Variants in TRPM6 observed in about 807,000 individuals in gnomAD.
The protein encoded by TRPM6 is transient receptor potential cation channel subfamily M member 6.
TRPM6 carries 111 observed loss-of-function variants against 247.6 expected under a neutral mutation model. That is an observed-to-expected ratio of 0.45 (90% CI 0.38 to 0.52). TRPM6 has a LOEUF of 0.52. TRPM6 is among the 20% of genes least tolerant of loss of function. The pLI is 0.00. For missense variants in TRPM6, 2,126 were observed against 2,421.5 expected (o/e 0.88, Z 2.56); for synonymous variants, 892 against 853.8 (o/e 1.04, Z -0.78).
rs78016735 is a variant in TRPM6, at chr9:74,776,209, G to A, written c.3210-133C>T. 7,571 of 773,838 alleles carry A rather than the reference G, an allele frequency of 9.8e-3. 289 individuals are homozygous for A. The highest frequency in any genetic ancestry group is 0.093 in the African/African-American group (5,480 of 58,954). The allele number at this position is 773,838 out of a possible 1,614,324, so 47.9% of individuals were successfully genotyped here. On this transcript the variant is annotated intron_variant, in intron 23 of 38. Coordinates refer to ENST00000360774, the MANE Select transcript of TRPM6 (RefSeq NM_017662.5). ...GTTACCCAATACAAATACTATCCAC[G>A]TGTTTACAATTCTTCTTCCACCAAA...
At chr9:74,810,936 CT>C in intron 12 of TRPM6, 68 bp from the exon 13 acceptor site, 3 of 1,257,100 alleles carry the variant, frequency 2.4e-6, no homozygotes, top group Non-Finnish European at 3.5e-6. Flanking sequence ...AAAACCTTTA[CT>C]TCAGAATGCA....
chr9:74,863,342 T>G (rs1480003080), intron 1 of TRPM6, among the ~76,000 whole-genome samples: 2 of 151,920 alleles, frequency 1.3e-5, no homozygotes, highest in African/African-American at 2.4e-5. Context: ...CCACTGTGCA[T>G]GACTGAAACA....
intron 1 of TRPM6, among the ~76,000 whole-genome samples, chr9:74,876,142 G>A (rs765563920): frequency 2.6e-5 from 4 of 152,322 alleles, no homozygotes; most frequent in Non-Finnish European, 4.4e-5. Context: ...GGAATGCAAT[G>A]GCATGATCAC....
intron 19 of TRPM6, among the ~76,000 whole-genome samples, chr9:74,791,508 A>C (rs375560414): frequency 6.6e-6 from 1 of 152,350 alleles, no homozygotes; most frequent in South Asian, 2.1e-4. Flanking sequence ...ATATTTAAAA[A>C]AAAAGAAAAG....
At chr9:74,882,990 G>A (rs1185227140) in intron 1 of TRPM6, among the ~76,000 whole-genome samples, 1 of 152,248 alleles carries the variant, frequency 6.6e-6, no homozygotes, top group East Asian at 1.9e-4. Context: ...TCGAAAAACT[G>A]AAACTCTATA....
At chr9:74,802,261 AT>A (rs1564021874) in intron 15 of TRPM6, 86 bp from the exon 16 acceptor site, 49 of 1,253,760 alleles carry the variant, frequency 3.9e-5, no homozygotes, top group Middle Eastern at 2.2e-4. Flanking sequence ...TGTCCTAGAG[AT>A]TTTTTTTAAT....
chr9:74,880,370 T>C (rs1831323997), intron 1 of TRPM6, among the ~76,000 whole-genome samples: 1 of 151,968 alleles, frequency 6.6e-6, no homozygotes, highest in Non-Finnish European at 1.5e-5. Context: ...AAAGATACAA[T>C]TCAAAAAGAT....
rs570954975 is a variant in TRPM6, at chr9:74,863,798, G to C, written c.34-5050C>G. On this transcript the variant is annotated intron_variant, in intron 1 of 38. Transcript: ENST00000360774. ...AGATGGGGTTTCACCGTGTTAGCCA[G>C]GGTGGTCTCGAACTCCTGACCTTGT... 2.2e-4 allele frequency among the ~76,000 whole-genome samples: 33 copies of C among 151,980 alleles called. No homozygotes were observed. The South Asian group carries it at 6.2e-3, about 29-fold the overall frequency.
chr9:74,732,342 A>C (rs2118699523), intron 37 of TRPM6, among the ~76,000 whole-genome samples: 1 of 152,368 alleles, frequency 6.6e-6, no homozygotes, highest in Non-Finnish European at 1.5e-5. Flanking sequence ...AAGACAAAAA[A>C]GGAAACTGTG....
intron 38 of TRPM6, among the ~76,000 whole-genome samples, chr9:74,727,174 A>C (rs1331844157): frequency 6.6e-6 from 1 of 152,026 alleles, no homozygotes; most frequent in Non-Finnish European, 1.5e-5. Context: ...TGAGGTCAGG[A>C]GATCAAGACC....
intron 38 of TRPM6, 39 bp downstream of exon 38, chr9:74,728,200 G>A (rs376385671): frequency 2.9e-5 from 41 of 1,391,740 alleles, no homozygotes; most frequent in Non-Finnish European, 3.4e-5. Flanking sequence ...TGTTCTATGA[G>A]AGATTTACTT....
Position 74,792,653 on chromosome 9 carries a change from C to T in TRPM6, c.2509G>A (p.Ala837Thr), listed in dbSNP as rs1420546012. Residue 837 changes from alanine to threonine, a missense_variant, in exon 19 of 39, where the codon GCT becomes ACT. By Grantham distance (58) the Ala-to-Thr change is moderately conservative. Around this residue, in one of 3 missense-constraint regions of TRPM6, gnomAD observed 1,082 missense variants for 1,307.9 expected, o/e 0.83. Transcript: ENST00000360774. ...TAAAACCAAAACTTGACAATTGGAG[C>T]ACTGTAGAACTCATAGACTTTCCTG... ...WTRKVYEFYS[A>T]PIVKFWFYTM... is the part of the protein sequence containing the mutation. 6.2e-7 allele frequency: 1 copy of T among 1,614,104 alleles called. No individual in the cohort carries two copies. Among genetic ancestry groups the T allele is most frequent in the South Asian group, 1.1e-5 (1 of 91,088 alleles).
At chr9:74,876,454 C>T (rs1381886158) in intron 1 of TRPM6, among the ~76,000 whole-genome samples, 1 of 152,222 alleles carries the variant, frequency 6.6e-6, no homozygotes. Flanking sequence ...TATTAACTCA[C>T]TTAAATTGCT....
chr9:74,817,203 T>G (rs1824263894), intron 9 of TRPM6, among the ~76,000 whole-genome samples: 1 of 152,236 alleles, frequency 6.6e-6, no homozygotes, highest in Admixed American at 6.5e-5. Flanking sequence ...GAAAGAATGT[T>G]ATTACATGAA....
intron 20 of TRPM6, 62 bp from the exon 21 acceptor site, chr9:74,786,187 A>G: frequency 6.4e-7 from 1 of 1,566,386 alleles, no homozygotes; most frequent in South Asian, 1.1e-5. Context: ...CATCAATATG[A>G]TCTTCTTAAA....
At chr9:74,839,463 C>G (rs1336351700) in intron 5 of TRPM6, among the ~76,000 whole-genome samples, 1 of 152,114 alleles carries the variant, frequency 6.6e-6, no homozygotes, top group Non-Finnish European at 1.5e-5. Context: ...ATGCCCAAAA[C>G]ACGCAATGCA....
In TRPM6 at chr9:74,808,089, T is replaced by G. The variant is rs1346618318; in HGVS notation, c.1583A>C (p.Asn528Thr). ...EYLIGRAYRS[N>T]YTRKHFRALY... ...GGCTCTGAAATGTTTTCTAGTGTAG[T>G]TGCTGCGATATGCTCTACCAATGAG... The change falls in exon 14 of 39, where the codon AAC becomes ACC. Residue 528 changes from asparagine to threonine, a missense_variant. Transcript: ENST00000360774. The G allele has an allele frequency of 1.9e-6, 3 of 1,614,020 alleles. No individual in the cohort carries two copies. In the South Asian group the frequency reaches 3.3e-5, roughly 18 times the overall value.
At chr9:74,771,970 A>G in intron 24 of TRPM6, 135 bp from the exon 25 acceptor site, 1 of 819,388 alleles carries the variant, frequency 1.2e-6, no homozygotes, top group Non-Finnish European at 2.0e-6. Flanking sequence ...AACTATTTCT[A>G]ATATTAATGC....
intron 8 of TRPM6, 115 bp downstream of exon 8, chr9:74,821,554 G>T (rs1261735608): frequency 2.4e-6 from 3 of 1,243,506 alleles, no homozygotes; most frequent in Non-Finnish European, 2.3e-6. Context: ...ATGAAATCCA[G>T]TCTCAACTTC....
Sources: gnomAD v4.1 joint callset for allele counts (sites outside exome capture counted in the v4.1 genomes callset) on GRCh38, gnomAD v4.1.1 for gene constraint, gnomAD v4.1.1 regional missense constraint, MANE v1.5 for transcripts, NCBI Gene and HGNC (gene_info 2026-07-23, HGNC 2026-07-21) for gene names.